DHX34: variants seen among roughly 807,000 people sequenced by gnomAD.
DHX34 encodes the protein DExH-box helicase 34, also known as probable ATP-dependent RNA helicase DHX34.
Under a neutral mutation model 111.1 loss-of-function variants are expected in DHX34, and 96 were observed. That is an observed-to-expected ratio of 0.86 (90% CI 0.73 to 1.02). The LOEUF (loss-of-function observed/expected upper bound fraction) is 1.02. DHX34 is among the 50% of genes least tolerant of loss of function. The pLI is 0.00. For synonymous variants in DHX34, 688 were observed against 670.4 expected (o/e 1.03, Z -0.41); for missense variants, 1,560 against 1,579.9 (o/e 0.99, Z 0.21).
At chr19:47,366,778 T>C (rs1372297084) in intron 6 of DHX34, 6 of 885,704 alleles carry the variant, frequency 6.8e-6, no homozygotes, top group African/African-American at 3.6e-5. Flanking sequence ...TTCACCATGT[T>C]GGCCAGGATG....
At chr19:47,372,593 G>T in intron 7 of DHX34, 137 bp from the exon 8 acceptor site, 1 of 1,413,716 alleles carries the variant, frequency 7.1e-7, no homozygotes, top group Non-Finnish European at 9.2e-7. Flanking sequence ...CTCCATCTGG[G>T]TCACAAGACC....
At position 47,373,830 on chromosome 19, in the gene DHX34, C is replaced by T. The variant is rs377451661; in HGVS notation, c.2064+130C>T. The T allele has an allele frequency of 9.3e-5, 111 of 1,189,276 alleles. 4 individuals are homozygous for T. The highest frequency in any genetic ancestry group is 5.6e-4 in the South Asian group (37 of 65,684). 73.7% of individuals were successfully genotyped at this position (1,189,276 alleles called of 1,614,324 possible). ...CCCACCCTGCACCCACCTCCCCCAC[C>T]ACCCGGTGACCAGGTGTTGGGGCAG... On this transcript the variant is annotated intron_variant, in intron 9 of 16. Transcript: ENST00000328771.
rs1389586467 is a variant in DHX34 at position 47,352,712 on chromosome 19, G to C, written c.-277-42G>C. 5 of 303,814 alleles carry C rather than the reference G, an allele frequency of 1.6e-5. No individual in the cohort carries two copies. In the Admixed American group the frequency reaches 2.3e-4, roughly 14 times the overall value. The allele number at this position is 303,814 out of a possible 1,614,324, so 18.8% of individuals were successfully genotyped here. A position where few individuals can be genotyped will look rare whatever the true frequency, so the allele number is the denominator to read the frequency against. The stretch of plus-strand genomic sequence containing the variant: ...ACAAAACAAAACCAAAAAAAGCAAT[G>C]TTCCCAAAAGAGAATTAATGTCTTC... On this transcript the variant is annotated intron_variant, in intron 1 of 16. Transcript: ENST00000328771.
At chr19:47,367,925 AACAG>A (rs1254027140) in intron 7 of DHX34, among the ~76,000 whole-genome samples, 3 of 149,908 alleles carry the variant, frequency 2.0e-5, no homozygotes, top group East Asian at 3.9e-4. Context: ...AGCAAAAACA[AACAG>A]GTGAGATTCA....
At chr19:47,364,448 A>G (rs564163738) in intron 6 of DHX34, among the ~76,000 whole-genome samples, 1 of 152,070 alleles carries the variant, frequency 6.6e-6, no homozygotes, top group African/African-American at 2.4e-5. Context: ...AAAAAAAAAT[A>G]CTAGTGCTGC....
chr19:47,376,132 C>T (rs1423967567), intron 11 of DHX34, 35 bp downstream of exon 11: 2 of 1,523,550 alleles, frequency 1.3e-6, no homozygotes, highest in Middle Eastern at 4.8e-4. Context: ...ATGTTTTGTC[C>T]TCCAACACAC....
At position 47,352,935 on chromosome 19, in the gene DHX34, G is replaced by T. The variant is rs1160484460; in HGVS notation, c.-96G>T. On this transcript the variant is annotated 5_prime_UTR_variant, in exon 2 of 17. Transcript: ENST00000328771. ...TTTGAAGAGAAAGTAGTTCTCTATT[G>T]CAGGCACTGGCCTCTTAAATTGTTG... is the stretch of plus-strand genomic sequence containing the variant. 3.4e-6 allele frequency: 5 copies of T among 1,475,228 alleles called. No homozygotes were observed. In the Admixed American group the frequency reaches 1.0e-4, roughly 31 times the overall value. 91.4% of individuals were successfully genotyped at this position (1,475,228 alleles called of 1,614,324 possible). A position where few individuals can be genotyped will look rare whatever the true frequency, so the allele number is the denominator to read the frequency against.
chr19:47,381,562 T>C, intron 16 of DHX34: 1 of 609,362 alleles, frequency 1.6e-6, no homozygotes, highest in South Asian at 2.3e-5. Context: ...TGTGTTGCTG[T>C]CTTTGTCTCT....
chr19:47,363,470 A>C (rs1003738494), intron 6 of DHX34, among the ~76,000 whole-genome samples: 1 of 152,048 alleles, frequency 6.6e-6, no homozygotes, highest in African/African-American at 2.4e-5. Flanking sequence ...CACTGAGGGG[A>C]ACCCATCCCT....
Position 47,382,095 on chromosome 19 carries a change from C to T in DHX34, c.3414C>T (p.His1138=), listed in dbSNP as rs1275150254. Residue 1138 remains histidine, a synonymous_variant, in exon 17 of 17, where the codon CAC becomes CAT. Transcript: ENST00000328771. ...FLFTPTEVLR[H]RKQHV is the part of the protein sequence containing the mutation. ...TTACACCCACAGAGGTGCTGCGCCA[C>T]CGGAAGCAGCACGTGTGAGCTGGGC... The T allele has an allele frequency of 6.2e-7, 1 of 1,614,060 alleles. No individual in the cohort carries two copies. Among genetic ancestry groups the T allele is most frequent in the Non-Finnish European group, 8.5e-7 (1 of 1,180,010 alleles).
chr19:47,372,750 T>A lies in DHX34; in HGVS notation c.1789T>A (p.Ser597Thr). Residue 597 changes from serine to threonine, a missense_variant, in exon 8 of 17, where the codon TCC becomes ACC. Ser to Thr is a moderately conservative substitution (Grantham distance 58). Transcript: ENST00000328771. Reference protein sequence around the residue: ...VVIGKMLILGSMFSLVEPVLT... With the variant: ...VVIGKMLILGTMFSLVEPVLT... The stretch of plus-strand genomic sequence containing the variant: ...TGCAGGGAAGATGCTGATCCTGGGC[T>A]CCATGTTCAGCCTGGTGGAGCCTGT... 6.2e-7 allele frequency: 1 copy of A among 1,610,248 alleles called. No individual in the cohort carries two copies. The highest frequency in any genetic ancestry group is 8.5e-7 in the Non-Finnish European group (1 of 1,178,596).
Position 47,353,801 on chromosome 19 carries a change from A to G in DHX34, c.705+66A>G, listed in dbSNP as rs1451623596. ...CCTTGGGGGAATAGGTTGCTTGTCC[A>G]TATGGCAGTATCAATAAAAATGAAG... On this transcript the variant is annotated intron_variant, in intron 2 of 16. Coordinates refer to ENST00000328771, the MANE Select transcript of DHX34 (RefSeq NM_014681.6). The surrounding 1 kb of genome is among the most constrained non-coding windows in gnomAD (Gnocchi z 4.6). The G allele has an allele frequency of 9.5e-6, 13 of 1,368,634 alleles. No individual in the cohort carries two copies. The highest frequency in any genetic ancestry group is 1.3e-5 in the Non-Finnish European group (13 of 1,032,236). The allele number at this position is 1,368,634 out of a possible 1,614,324, so 84.8% of individuals were successfully genotyped here.
intron 2 of DHX34, among the ~76,000 whole-genome samples, chr19:47,354,404 A>T (rs1382752942): frequency 6.6e-6 from 1 of 152,240 alleles, no homozygotes; most frequent in East Asian, 1.9e-4. Flanking sequence ...ATGTCCTGGC[A>T]CATAGCAGGG....
intron 13 of DHX34, 97 bp from the exon 14 acceptor site, chr19:47,379,613 G>A: frequency 6.6e-7 from 1 of 1,506,718 alleles, no homozygotes; most frequent in Non-Finnish European, 8.9e-7. Context: ...CATAGACAGG[G>A]CTGGTGGGTG....
chr19:47,372,319 T>A (rs116518617), intron 7 of DHX34, among the ~76,000 whole-genome samples: 4 of 151,880 alleles, frequency 2.6e-5, no homozygotes, highest in Non-Finnish European at 2.9e-5. Flanking sequence ...CAGGTGACAC[T>A]CTAGCGCGGA....
intron 7 of DHX34, among the ~76,000 whole-genome samples, chr19:47,367,445 A>C (rs1969826127): frequency 6.6e-6 from 1 of 152,152 alleles, no homozygotes; most frequent in South Asian, 2.1e-4. Context: ...TTCTGGAGAG[A>C]AGAAACAACG....
Position 47,376,962 on chromosome 19 carries a change from G to T in DHX34, c.2600-138G>T, listed in dbSNP as rs995511551. ...ACATTCAGATTTGGCTGACCTTCTTGTCTGAGCCAGGCCACCAAAGCCATG... is the reference window on the plus strand; with the variant it reads ...ACATTCAGATTTGGCTGACCTTCTTTTCTGAGCCAGGCCACCAAAGCCATG... On this transcript the variant is annotated intron_variant, in intron 12 of 16. Coordinates refer to ENST00000328771, the MANE Select transcript of DHX34 (RefSeq NM_014681.6). 5.2e-6 allele frequency: 8 copies of T among 1,544,770 alleles called. No individual in the cohort carries two copies. The South Asian group carries it at 9.5e-5, about 18-fold the overall frequency.
chr19:47,351,618 C>G (rs1202074613), intron 1 of DHX34, among the ~76,000 whole-genome samples: 2 of 152,142 alleles, frequency 1.3e-5, no homozygotes, highest in Non-Finnish European at 2.9e-5. Context: ...TGTTCCAGAG[C>G]TACCACAAAG....
rs1599759930 is a variant in DHX34, at chr19:47,362,481, G to T, written c.1381G>T (p.Val461Leu). ...GIRFVVDSGK[V>L]KEMSYDPQAK... The stretch of plus-strand genomic sequence containing the variant: ...TCCTCATTGCTCCCATCCAGGAAAG[G>T]TGAAGGAGATGAGCTACGATCCGCA... Residue 461 changes from valine (V) to leucine (L), a missense_variant, in exon 6 of 17, where the codon GTG (valine) becomes TTG (leucine). Transcript: ENST00000328771. 2 of 1,582,406 alleles carry T rather than the reference G, an allele frequency of 1.3e-6. No individual in the cohort carries two copies. The highest frequency in any genetic ancestry group is 1.7e-6 in the Non-Finnish European group (2 of 1,161,676).
Sources: allele counts gnomAD v4.1 joint callset (sites outside exome capture counted in the v4.1 genomes callset), GRCh38; gene constraint gnomAD v4.1.1; non-coding constraint Gnocchi (gnomAD v3.1); transcripts MANE v1.5; gene names NCBI Gene and HGNC (gene_info 2026-07-23, HGNC 2026-07-21).